The following JAKMIP3 variants were observed in gnomAD, a reference collection of about 807,000 sequenced individuals.
The protein encoded by JAKMIP3 is Janus kinase and microtubule interacting protein 3.
In JAKMIP3, 58 loss-of-function variants were observed where a neutral mutation model predicts 118.5. The ratio of observed to expected loss-of-function variants is 0.49; its 90% CI spans 0.40 to 0.61. JAKMIP3 has a LOEUF of 0.61. Among genes scored for constraint, JAKMIP3 ranks in the 20% least tolerant of loss-of-function variants. The pLI is 0.00. For synonymous variants in JAKMIP3, 486 were observed against 451.2 expected, an observed-to-expected ratio of 1.08 and a Z score of -0.98; for missense variants, 950 against 1,109.0, an observed-to-expected ratio of 0.86 and a Z score of 2.04.
At chr10:132,087,750 C>T (rs1321469463) in intron 1 of JAKMIP3, among the ~76,000 whole-genome samples, 1 of 151,486 alleles carries the variant, frequency 6.6e-6, no homozygotes, top group Admixed American at 6.6e-5. Context: ...GGTTCATGTG[C>T]ACAACGTGCA....
rs527687717 is a variant in JAKMIP3, at chr10:132,142,508, C to T, written c.1602+460C>T. On this transcript the variant is annotated intron_variant, in intron 11 of 23. Transcript: ENST00000684848. ...GGCCCCGGCCCCGGCCCCTCTCCCCCGGCCTCCCCACTGGGCAGCACCCCA... is the reference window on the plus strand; with the variant it reads ...GGCCCCGGCCCCGGCCCCTCTCCCCTGGCCTCCCCACTGGGCAGCACCCCA... Among the ~76,000 whole-genome samples the T allele has an allele frequency of 4.6e-5, 7 of 152,348 alleles. No individual in the cohort carries two copies. The South Asian group carries it at 8.3e-4, about 18-fold the overall frequency.
intron 1 of JAKMIP3, among the ~76,000 whole-genome samples, chr10:132,092,033 C>G (rs1428418543): frequency 6.6e-6 from 1 of 150,848 alleles, no homozygotes; most frequent in Non-Finnish European, 1.5e-5. Context: ...ACTTATGAAG[C>G]TTAGTTTGGC....
chr10:132,177,967 T>C (rs376883167), intron 23 of JAKMIP3, among the ~76,000 whole-genome samples: 4,340 of 151,064 alleles, frequency 0.029, 220 homozygotes, highest in African/African-American at 0.1. Flanking sequence ...CGTGTATGTG[T>C]GCACCTGCTC....
chr10:132,167,204 C>G, intron 22 of JAKMIP3, 149 bp downstream of exon 22: 1 of 634,442 alleles, frequency 1.6e-6, no homozygotes, highest in Non-Finnish European at 2.8e-6. Context: ...TGTTAGAAAG[C>G]CACCCGCGTC....
Position 132,145,148 on chromosome 10 carries a change from G to C in JAKMIP3, c.1644G>C (p.Ala548=), listed in dbSNP as rs190702116. The C allele has an allele frequency of 9.9e-6, 16 of 1,612,348 alleles. No homozygotes were observed. In the Admixed American group the frequency reaches 2.3e-4, roughly 24 times the overall value. ...QLQAEVQRAQ[A]RIEDLEKALA... ...AAGCCGAAGTGCAGAGGGCACAGGC[G>C]CGGATAGAGGACCTGGAGAAGGCCC... Residue 548 remains alanine, a synonymous_variant, in exon 12 of 24, where the codon GCG becomes GCC. Coordinates refer to ENST00000684848, the MANE Select transcript of JAKMIP3 (RefSeq NM_001323087.2).
At chr10:132,139,948 G>T (rs750066011) in intron 9 of JAKMIP3, among the ~76,000 whole-genome samples, 5 of 152,164 alleles carry the variant, frequency 3.3e-5, no homozygotes, top group Non-Finnish European at 7.3e-5. Context: ...GGGGTGAGGG[G>T]GCCCTAAAGA....
chr10:132,143,478 C>T (rs1003123743), intron 11 of JAKMIP3, among the ~76,000 whole-genome samples: 43 of 152,068 alleles, frequency 2.8e-4, no homozygotes, highest in Admixed American at 7.9e-4. Context: ...AACATTTGCT[C>T]GGGGGCCACA....
At chr10:132,140,420 T>C in intron 9 of JAKMIP3, 31 bp from the exon 10 acceptor site, 1 of 1,612,816 alleles carries the variant, frequency 6.2e-7, no homozygotes, top group Non-Finnish European at 8.5e-7. Context: ...TGGGTCTGGT[T>C]TGAACTGACA....
At chr10:132,158,623 G>A (rs1324139541) in intron 19 of JAKMIP3, among the ~76,000 whole-genome samples, 3 of 150,920 alleles carry the variant, frequency 2.0e-5, no homozygotes, top group Non-Finnish European at 4.4e-5. Flanking sequence ...GAGATGCTGT[G>A]GGAGGAGCAT....
intron 4 of JAKMIP3, among the ~76,000 whole-genome samples, chr10:132,134,428 A>G (rs1432314106): frequency 1.3e-5 from 2 of 152,240 alleles, no homozygotes; most frequent in Non-Finnish European, 2.9e-5. Context: ...AGACTACAGC[A>G]TTCACTCCAG....
intron 2 of JAKMIP3, among the ~76,000 whole-genome samples, chr10:132,113,913 G>C (rs564353007): frequency 6.6e-6 from 1 of 152,234 alleles, no homozygotes; most frequent in Non-Finnish European, 1.5e-5. Context: ...CATAGACAGC[G>C]TTACTGTCCC....
At position 132,081,770 on chromosome 10, in the gene JAKMIP3, G is replaced by C. The variant is rs139381787; in HGVS notation, c.-138+15709G>C. Among the ~76,000 whole-genome samples, 1,230 of 152,024 alleles carry C rather than the reference G, an allele frequency of 8.1e-3. 9 individuals carry two copies. Among genetic ancestry groups the C allele is most frequent in the South Asian group, 0.02 (94 of 4,798 alleles). ...CAACTGGCCTTTCCGAGGAGTCTTG[G>C]GGGGAGACGTGATCCTTTCCTGAGG... On this transcript the variant is annotated intron_variant, in intron 1 of 23. Transcript: ENST00000684848.
intron 1 of JAKMIP3, among the ~76,000 whole-genome samples, chr10:132,075,385 A>C: frequency 1.0e-5 from 1 of 95,386 alleles, no homozygotes; most frequent in Admixed American, 1.0e-4. Context: ...TTTTTTTGCT[A>C]TTGCTTTCAT....
At position 132,147,288 on chromosome 10, in the gene JAKMIP3, G is replaced by A. The variant is rs750511096; in HGVS notation, c.1750-664G>A. The stretch of plus-strand genomic sequence containing the variant: ...CCTCAGTCCCTGGAGCTCAGCTTCA[G>A]GGGATGGACACAGCTGTCTGCCCCT... On this transcript the variant is annotated intron_variant, in intron 13 of 23. Transcript: ENST00000684848. 2.7e-4 allele frequency among the ~76,000 whole-genome samples: 41 copies of A among 152,244 alleles called. 1 individual carries two copies. The highest frequency in any genetic ancestry group is 3.8e-4 in the Non-Finnish European group (26 of 68,036).
intron 19 of JAKMIP3, among the ~76,000 whole-genome samples, chr10:132,161,890 TG>T (rs369935731): frequency 5.1e-5 from 6 of 117,088 alleles, no homozygotes; most frequent in African/African-American, 1.6e-4. Context: ...TGTGTGATAT[TG>T]GGGGGGCCAC....
intron 1 of JAKMIP3, among the ~76,000 whole-genome samples, chr10:132,047,889 C>T (rs12355296): frequency 0.096 from 14,645 of 151,866 alleles, 940 homozygotes; most frequent in Non-Finnish European, 0.15. Flanking sequence ...CCGCCCCCCG[C>T]GAGCTGACGG....
chr10:132,097,099 A>G (rs772791635), intron 1 of JAKMIP3, among the ~76,000 whole-genome samples: 1 of 152,254 alleles, frequency 6.6e-6, no homozygotes, highest in Non-Finnish European at 1.5e-5. Context: ...GAGAACGGCA[A>G]CGTTAGAAAT....
chr10:132,139,467 TGTATGTGTGA>T (rs1480297920), intron 9 of JAKMIP3, among the ~76,000 whole-genome samples: 1 of 150,586 alleles, frequency 6.6e-6, no homozygotes, highest in Non-Finnish European at 1.5e-5. Flanking sequence ...TCTGCATGTG[TGTATGTGTGA>T]GTGTGTGTGA....
intron 19 of JAKMIP3, among the ~76,000 whole-genome samples, chr10:132,159,682 A>C (rs113635766): frequency 2.5e-5 from 1 of 40,420 alleles, no homozygotes; most frequent in African/African-American, 8.4e-5. Flanking sequence ...TCCTCTCCCT[A>C]TGTGATGCTC....
Sources: allele counts gnomAD v4.1 joint callset (sites outside exome capture counted in the v4.1 genomes callset), GRCh38; gene constraint gnomAD v4.1.1; transcripts MANE v1.5; gene names NCBI Gene and HGNC (gene_info 2026-07-23, HGNC 2026-07-21).